Variants in C1QTNF1 observed in about 807,000 individuals in gnomAD.
C1QTNF1 encodes the protein complement C1q tumor necrosis factor-related protein 1.
C1QTNF1 carries 22 observed loss-of-function variants against 27.8 expected under a neutral mutation model. That is an observed-to-expected ratio of 0.79 (90% CI 0.56 to 1.13). The LOEUF (loss-of-function observed/expected upper bound fraction) is 1.13, where lower values mean the gene tolerates loss of function less well. Ranked by LOEUF, C1QTNF1 falls within the 50% of genes most tolerant of loss-of-function variation. The pLI is 0.00. For missense variants in C1QTNF1, 373 were observed against 380.2 expected, an observed-to-expected ratio of 0.98 and a Z score of 0.16; for synonymous variants, 166 against 154.3, an observed-to-expected ratio of 1.08 and a Z score of -0.56.
chr17:79,040,326 G>A (rs904327549), intron 1 of C1QTNF1, among the ~76,000 whole-genome samples: 7 of 152,244 alleles, frequency 4.6e-5, no homozygotes, highest in East Asian at 1.9e-4. Context: ...TTAGCTGGGC[G>A]TGGTGGCGCA....
chr17:79,041,608 T>A (rs560920497), intron 1 of C1QTNF1: 1 of 152,104 alleles, frequency 6.6e-6, no homozygotes, highest in East Asian at 1.9e-4. Context: ...TGAAACCCCG[T>A]CTCTACTAAA....
chr17:79,023,702 G>GCACACACA (rs1437331174), upstream of C1QTNF1, among the ~76,000 whole-genome samples: 1 of 80,808 alleles, frequency 1.2e-5, no homozygotes, highest in Non-Finnish European at 2.2e-5. Flanking sequence ...ATGCGCGCGC[G>GCACACACA]CGCACACACA....
chr17:79,032,630 C>A (rs1287785870), intron 1 of C1QTNF1, among the ~76,000 whole-genome samples: 7 of 152,148 alleles, frequency 4.6e-5, no homozygotes, highest in Non-Finnish European at 1.0e-4. Flanking sequence ...AGGAAGGTGG[C>A]ATCCAAGTGG....
chr17:79,048,240 C>T lies in C1QTNF1; in HGVS notation c.*152C>T. On this transcript the variant is annotated 3_prime_UTR_variant, in exon 4 of 4. Coordinates refer to ENST00000579760, the MANE Select transcript of C1QTNF1 (RefSeq NM_030968.5). ...CAGAAAGCCAAAGCGATCGGTGCTC[C>T]CAGATCCCGCAGCCTCTGGAGAGAG... 2 of 763,268 alleles carry T rather than the reference C, an allele frequency of 2.6e-6. No individual in the cohort carries two copies. Among genetic ancestry groups the T allele is most frequent in the East Asian group, 5.6e-5 (2 of 35,564 alleles). 47.3% of individuals were successfully genotyped at this position (763,268 alleles called of 1,614,324 possible).
Position 79,048,148 on chromosome 17 carries a change from C to T in C1QTNF1, c.*60C>T, listed in dbSNP as rs1443642223. 1 of 947,820 alleles carries T rather than the reference C, an allele frequency of 1.1e-6. No homozygotes were observed. The highest frequency in any genetic ancestry group is 1.3e-6 in the Non-Finnish European group (1 of 749,900). 58.7% of individuals were successfully genotyped at this position (947,820 alleles called of 1,614,324 possible). A position where few individuals can be genotyped will look rare whatever the true frequency, so the allele number is the denominator to read the frequency against. ...CACCCCTGCGCTGTGCTGACCCCAC[C>T]GCCTCTTCCCCGATCCCTGGACTCC... On this transcript the variant is annotated 3_prime_UTR_variant, in exon 4 of 4. Transcript: ENST00000579760.
rs1164649518 is a variant in C1QTNF1, at chr17:79,046,459, G to A, written c.156-96G>A. ...TGGGTCCAGGTGAGAGAGTGAGAAG[G>A]CAGGTCAGGCATGCCAGAACCACTG... is the stretch of plus-strand genomic sequence containing the variant. On this transcript the variant is annotated intron_variant, in intron 2 of 3. Coordinates refer to ENST00000579760, the MANE Select transcript of C1QTNF1 (RefSeq NM_030968.5). The surrounding 1 kb of genome is among the most constrained non-coding windows in gnomAD (Gnocchi z 4.8). 1.3e-6 allele frequency: 2 copies of A among 1,520,444 alleles called. No homozygotes were observed. Among genetic ancestry groups the A allele is most frequent in the Admixed American group, 3.5e-5 (2 of 57,026 alleles). The allele number at this position is 1,520,444 out of a possible 1,614,324, so 94.2% of individuals were successfully genotyped here. A position where few individuals can be genotyped will look rare whatever the true frequency, so the allele number is the denominator to read the frequency against.
In C1QTNF1 at chr17:79,046,614, G is replaced by T; in HGVS notation, c.215G>T (p.Arg72Leu). Residue 72 changes from arginine to leucine, a missense_variant, in exon 3 of 4, where the codon CGG becomes CTG. Arg to Leu is a moderately radical substitution (Grantham distance 102). Coordinates refer to ENST00000579760, the MANE Select transcript of C1QTNF1 (RefSeq NM_030968.5). This position sits in a 1 kb window ranked among gnomAD's most constrained non-coding sequence, Gnocchi z 4.8. ...PSQDQGLPAS[R>L]CLRCCDPGTS... ...CAGGACCAGGGGCTCCCTGCTTCCC[G>T]GTGCTTGCGCTGCTGTGACCCCGGT... The T allele has an allele frequency of 6.2e-7, 1 of 1,614,234 alleles. No homozygotes were observed.
chr17:79,027,225 T>C (rs745977286), intron 1 of C1QTNF1, among the ~76,000 whole-genome samples: 1 of 152,094 alleles, frequency 6.6e-6, no homozygotes. Context: ...TCTAGAGATG[T>C]TCAAGTGGGG....
intron 1 of C1QTNF1, among the ~76,000 whole-genome samples, chr17:79,038,822 T>C (rs981853562): frequency 1.3e-5 from 2 of 152,256 alleles, no homozygotes; most frequent in Non-Finnish European, 2.9e-5. Context: ...ATACTGTCTT[T>C]GCCCAAAAGT....
At position 79,047,596 on chromosome 17, in the gene C1QTNF1, A is replaced by G. The variant is rs756253083; in HGVS notation, c.354A>G (p.Ser118=). The change falls in exon 4 of 4, where the codon TCA becomes TCG. Residue 118 remains serine (S), a synonymous_variant. Transcript: ENST00000579760. ...AAGGGAAATATGGCAAAACAGGCTC[A>G]GCAGGGGCCAGGGGCCACACTGGAC... The part of the protein sequence containing the change: ...GLQGKYGKTG[S]AGARGHTGPK... The G allele has an allele frequency of 2.6e-6, 4 of 1,551,644 alleles. No homozygotes were observed. In the Admixed American group the frequency reaches 6.0e-5, roughly 23 times the overall value.
intron 1 of C1QTNF1, chr17:79,034,570 A>T (rs547510020): frequency 6.6e-6 from 1 of 152,338 alleles, no homozygotes; most frequent in South Asian, 2.1e-4. Flanking sequence ...TTGCTCCAAG[A>T]TGGGAGGGAG....
rs761784567 is a variant in C1QTNF1, at chr17:79,048,062, C to T, written c.820C>T (p.Leu274=). The T allele has an allele frequency of 1.9e-6, 3 of 1,576,748 alleles. No homozygotes were observed. The African/African-American group carries it at 4.0e-5, about 21-fold the overall frequency. ...LDTYITFSGY[L]VKHATEP is the part of the protein sequence containing the mutation. ...CACCTACATCACCTTCAGTGGCTAC[C>T]TGGTCAAGCACGCCACCGAGCCCTA... The change falls in exon 4 of 4, where the codon CTG becomes TTG. Residue 274 remains leucine, a synonymous_variant. Transcript: ENST00000579760.
At chr17:79,037,438 AT>A (rs1400054583) in intron 1 of C1QTNF1, among the ~76,000 whole-genome samples, 1 of 151,444 alleles carries the variant, frequency 6.6e-6, no homozygotes, top group Non-Finnish European at 1.5e-5. Flanking sequence ...CAATTTTGGT[AT>A]TTTTACTAGA....
chr17:79,026,076 C>A, intron 1 of C1QTNF1: 1 of 176,624 alleles, frequency 5.7e-6, no homozygotes, highest in Admixed American at 6.1e-5. Context: ...GCTCAAGAGG[C>A]TCACGGCTTG....
intron 1 of C1QTNF1, among the ~76,000 whole-genome samples, chr17:79,026,771 C>T (rs2071974994): frequency 6.6e-6 from 1 of 152,124 alleles, no homozygotes; most frequent in African/African-American, 2.4e-5. Flanking sequence ...TGGCGAGGGA[C>T]GTCCTCCCAA....
intron 1 of C1QTNF1, among the ~76,000 whole-genome samples, chr17:79,039,202 C>G (rs2072336963): frequency 6.6e-6 from 1 of 152,234 alleles, no homozygotes; most frequent in Non-Finnish European, 1.5e-5. Context: ...GAGGAACAGG[C>G]ATATTACCAT....
chr17:79,032,361 C>T (rs2072158457), intron 1 of C1QTNF1, among the ~76,000 whole-genome samples: 2 of 152,186 alleles, frequency 1.3e-5, no homozygotes, highest in African/African-American at 4.8e-5. Context: ...TGAGTAGCTC[C>T]AGGGAGCTGG....
chr17:79,030,590 TTTTTC>T (rs1182974904), intron 1 of C1QTNF1, among the ~76,000 whole-genome samples: 9 of 151,224 alleles, frequency 6.0e-5, no homozygotes, highest in Admixed American at 3.3e-4. Context: ...CCTTCCTTTC[TTTTTC>T]TTTTCTTTTC....
intron 1 of C1QTNF1, among the ~76,000 whole-genome samples, chr17:79,037,128 TG>T (rs1227876134): frequency 1.4e-5 from 2 of 145,152 alleles, no homozygotes; most frequent in African/African-American, 5.7e-5. Context: ...GCTATTTTTT[TG>T]TTTTTGTTTT....
Sources: gnomAD v4.1 joint callset for allele counts (sites outside exome capture counted in the v4.1 genomes callset) on GRCh38, gnomAD v4.1.1 for gene constraint, Gnocchi (gnomAD v3.1) non-coding constraint, MANE v1.5 for transcripts, NCBI Gene and HGNC (gene_info 2026-07-23, HGNC 2026-07-21) for gene names.